SUPT6H: variants seen among roughly 807,000 people sequenced by gnomAD.
SUPT6H encodes transcription elongation factor SPT6.
Under a neutral mutation model 222.3 loss-of-function variants are expected in SUPT6H, and 11 were observed. That is an observed-to-expected ratio of 0.05 (90% CI 0.03 to 0.08). The LOEUF is 0.08. Ranked by LOEUF, SUPT6H falls within the 10% of genes least tolerant of loss-of-function variation. The pLI, the probability that SUPT6H is intolerant of heterozygous loss-of-function variation, is 1.00. For synonymous variants in SUPT6H, 762 were observed against 801.2 expected (o/e 0.95, Z 0.83); for missense variants, 1,422 against 2,216.0 (o/e 0.64, Z 7.19).
chr17:28,682,103 C>A, intron 13 of SUPT6H, 123 bp downstream of exon 13: 1 of 705,230 alleles, frequency 1.4e-6, no homozygotes, highest in Non-Finnish European at 2.3e-6. Flanking sequence ...CAATCCTGAA[C>A]TAGCCTATTA....
chr17:28,687,032 C>A lies in SUPT6H; in HGVS notation c.2701-56C>A, dbSNP rs2031416907. ...TAAACCAGAATGGTTTGGATTTCCTCTTGATGTTGTAGCTAAGGGGATTTT... is the reference window on the plus strand; with the variant it reads ...TAAACCAGAATGGTTTGGATTTCCTATTGATGTTGTAGCTAAGGGGATTTT... On this transcript the variant is annotated intron_variant, in intron 21 of 36. Coordinates refer to ENST00000314616, the MANE Select transcript of SUPT6H (RefSeq NM_003170.5). The A allele has an allele frequency of 5.0e-6, 8 of 1,596,250 alleles. No individual in the cohort carries two copies. In the East Asian group the frequency reaches 1.8e-4, roughly 36 times the overall value.
intron 25 of SUPT6H, among the ~76,000 whole-genome samples, 172 bp from the exon 26 acceptor site, chr17:28,689,908 AGT>A (rs2031559745): frequency 6.6e-6 from 1 of 152,182 alleles, no homozygotes; most frequent in African/African-American, 2.4e-5. Flanking sequence ...TTTTGATTAC[AGT>A]GTTTCATGGC....
At chr17:28,701,191 G>A (rs879106885) in intron 36 of SUPT6H, 63 bp downstream of exon 36, 25 of 1,537,438 alleles carry the variant, frequency 1.6e-5, no homozygotes, top group Middle Eastern at 2.1e-4. Context: ...TCAAGAGGCC[G>A]AAAGGCTTAG....
At chr17:28,663,189 A>G (rs1425013345) in intron 1 of SUPT6H, among the ~76,000 whole-genome samples, 3 of 152,224 alleles carry the variant, frequency 2.0e-5, no homozygotes, top group Non-Finnish European at 2.9e-5. Flanking sequence ...TTCTTCGGAA[A>G]AATGTCTGGT....
chr17:28,666,908 A>C (rs2151599606), intron 1 of SUPT6H, among the ~76,000 whole-genome samples: 1 of 152,314 alleles, frequency 6.6e-6, no homozygotes, highest in South Asian at 2.1e-4. Context: ...GTATTTTAAC[A>C]TCTTGACTTC....
intron 19 of SUPT6H, 42 bp downstream of exon 19, chr17:28,685,003 A>G: frequency 6.4e-7 from 1 of 1,551,958 alleles, no homozygotes; most frequent in Non-Finnish European, 8.8e-7. Flanking sequence ...CATCTGGAGT[A>G]TGTCTTATGA....
intron 2 of SUPT6H, among the ~76,000 whole-genome samples, chr17:28,673,949 CA>C (rs1164062735): frequency 1.3e-5 from 2 of 150,396 alleles, no homozygotes; most frequent in East Asian, 1.9e-4. Flanking sequence ...GGAATTATGG[CA>C]AAAAAAAGGA....
chr17:28,667,396 T>TGG (rs2030099684), intron 1 of SUPT6H, among the ~76,000 whole-genome samples: 1 of 52,808 alleles, frequency 1.9e-5, no homozygotes, highest in African/African-American at 8.2e-5. Flanking sequence ...AAAAAAAAAG[T>TGG]GTGTGTGTGT....
intron 1 of SUPT6H, among the ~76,000 whole-genome samples, chr17:28,663,410 C>G (rs2072102285): frequency 6.6e-6 from 1 of 152,170 alleles, no homozygotes; most frequent in African/African-American, 2.4e-5. Context: ...TTAACTTCAT[C>G]AGGAGATTAA....
chr17:28,681,173 T>G, intron 11 of SUPT6H, 83 bp from the exon 12 acceptor site: 1 of 1,500,946 alleles, frequency 6.7e-7, no homozygotes, highest in Non-Finnish European at 9.1e-7. Flanking sequence ...ATACTGCCTT[T>G]TGGGAATTGG....
chr17:28,684,713 TCTC>T lies in SUPT6H; in HGVS notation c.2361_2363del (p.Ser788del), dbSNP rs747795156. On this transcript the variant is annotated inframe_deletion, in exon 18 of 37. Coordinates refer to ENST00000314616, the MANE Select transcript of SUPT6H (RefSeq NM_003170.5). Reference sequence around the variant, plus strand: ...GGCATTCGAGTCCTCGGCATTGCTTTCTCCTCTGCCAGGTAACAGCCTATTTTT... The same window carrying T: ...GGCATTCGAGTCCTCGGCATTGCTTTCTCTGCCAGGTAACAGCCTATTTTT... 2.5e-6 allele frequency: 4 copies of T among 1,614,080 alleles called. No individual in the cohort carries two copies. In the East Asian group the frequency reaches 8.9e-5, roughly 36 times the overall value.
In SUPT6H at chr17:28,683,365, C is replaced by G. The variant is rs371193096; in HGVS notation, c.1976C>G (p.Ala659Gly). ...RDDQFLKICL[A>G]EDEGLLTTDI... ...GACCAGTTTCTCAAGATATGCCTGG[C>G]TGAAGACGAAGGGCTCCTCACCACT... The change falls in exon 16 of 37, where the codon GCT (alanine) becomes GGT (glycine). Residue 659 changes from alanine (A) to glycine (G), a missense_variant. Physicochemically the swap from Ala to Gly is moderately conservative, Grantham distance 60. This residue lies in a region of SUPT6H where 121 missense variants were observed against 158.0 expected (regional missense o/e 0.77). Coordinates refer to ENST00000314616, the MANE Select transcript of SUPT6H (RefSeq NM_003170.5). The G allele has an allele frequency of 1.2e-6, 2 of 1,614,150 alleles. No individual in the cohort carries two copies. The highest frequency in any genetic ancestry group is 2.2e-5 in the East Asian group (1 of 44,890).
In SUPT6H at chr17:28,684,825, T is replaced by G; in HGVS notation, c.2370-19T>G. On this transcript the variant is annotated intron_variant, in intron 18 of 36. Coordinates refer to ENST00000314616, the MANE Select transcript of SUPT6H (RefSeq NM_003170.5). ...ATATTGCTGATTATTGCATTCTTGT[T>G]TTTCTGTCTGTCTGGCAGAGATCAC... The G allele has an allele frequency of 1.9e-6, 3 of 1,614,094 alleles. No individual in the cohort carries two copies. The highest frequency in any genetic ancestry group is 2.5e-6 in the Non-Finnish European group (3 of 1,179,948).
chr17:28,668,628 C>T (rs1314094538), intron 1 of SUPT6H, among the ~76,000 whole-genome samples: 1 of 152,174 alleles, frequency 6.6e-6, no homozygotes. Context: ...TTGTTTTCAT[C>T]AGGTAGGCTG....
chr17:28,676,907 C>T (rs1329474589), intron 7 of SUPT6H, among the ~76,000 whole-genome samples: 7 of 151,474 alleles, frequency 4.6e-5, no homozygotes, highest in African/African-American at 9.7e-5. Context: ...AGCCTAGAAG[C>T]AGACCCTGTC....
intron 19 of SUPT6H, 102 bp from the exon 20 acceptor site, chr17:28,686,236 TG>T: frequency 9.3e-7 from 1 of 1,076,922 alleles, no homozygotes; most frequent in Non-Finnish European, 1.4e-6. Context: ...AGATATCTTC[TG>T]AAGACTTCCA....
rs982838929 is a variant in SUPT6H at position 28,684,615 on chromosome 17, G to A, written c.2259G>A (p.Leu753=). The A allele has an allele frequency of 1.2e-6, 2 of 1,614,048 alleles. No homozygotes were observed. The highest frequency in any genetic ancestry group is 8.5e-7 in the Non-Finnish European group (1 of 1,180,048). The change falls in exon 18 of 37, where the codon TTG becomes TTA. Residue 753 remains leucine, a synonymous_variant. Transcript: ENST00000314616. ...GTAGTCGAAAGCTCTACAATTGGTT[G>A]AGAGTGGCACCCTACCGACCAGATC... The part of the protein sequence containing the change: ...KACSRKLYNW[L]RVAPYRPDQQ...
intron 1 of SUPT6H, among the ~76,000 whole-genome samples, chr17:28,666,078 G>A (rs2029992857): frequency 6.6e-6 from 1 of 152,154 alleles, no homozygotes; most frequent in Admixed American, 6.5e-5. Context: ...CAGTACACGT[G>A]TTGTGCTAGA....
At chr17:28,677,572 C>T (rs1433945093) in intron 7 of SUPT6H, 143 bp from the exon 8 acceptor site, 1 of 675,858 alleles carries the variant, frequency 1.5e-6, no homozygotes. Context: ...TATTTCATGC[C>T]AGAACAACAC....
Sources: gnomAD v4.1 joint callset for allele counts (sites outside exome capture counted in the v4.1 genomes callset) on GRCh38, gnomAD v4.1.1 for gene constraint, gnomAD v4.1.1 regional missense constraint, MANE v1.5 for transcripts, NCBI Gene and HGNC (gene_info 2026-07-23, HGNC 2026-07-21) for gene names.